Variants in AXIN1 observed in about 807,000 individuals in gnomAD.
AXIN1 encodes the protein axin 1, also known as axin-1.
AXIN1 carries 30 observed loss-of-function variants against 76.4 expected under a neutral mutation model. The ratio of observed to expected loss-of-function variants is 0.39; its 90% CI spans 0.29 to 0.53. The LOEUF is 0.53. Among genes scored for constraint, AXIN1 ranks in the 20% least tolerant of loss-of-function variants. The probability of loss-of-function intolerance (pLI) is 0.66; values close to 1 mark genes in which losing one functional copy is unlikely to be tolerated. For missense variants in AXIN1, 1,140 were observed against 1,198.8 expected (o/e 0.95, Z 0.72); for synonymous variants, 545 against 501.4 (o/e 1.09, Z -1.16).
chr16:334,854 G>A (rs925776200), intron 2 of AXIN1, among the ~76,000 whole-genome samples: 11 of 149,898 alleles, frequency 7.3e-5, no homozygotes, highest in Admixed American at 4.0e-4. Flanking sequence ...ACCATGACAC[G>A]CTAATTACAC....
intron 1 of AXIN1, among the ~76,000 whole-genome samples, chr16:350,163 T>C (rs1256447750): frequency 6.6e-6 from 1 of 152,212 alleles, no homozygotes; most frequent in African/African-American, 2.4e-5. Flanking sequence ...ATGTGTATTT[T>C]TGGCTGTCAA....
chr16:343,768 C>G (rs2053975594), intron 2 of AXIN1, among the ~76,000 whole-genome samples: 1 of 151,390 alleles, frequency 6.6e-6, no homozygotes, highest in African/African-American at 2.4e-5. Context: ...AATCCCAGCA[C>G]TTTGGGAGGC....
intron 2 of AXIN1, among the ~76,000 whole-genome samples, chr16:330,872 C>G (rs529982967): frequency 1.3e-5 from 2 of 152,340 alleles, no homozygotes; most frequent in South Asian, 4.1e-4. Flanking sequence ...TATGCTGCAA[C>G]AAACATTTGG....
intron 10 of AXIN1, chr16:288,456 G>C: frequency 1.4e-6 from 1 of 718,844 alleles, no homozygotes; most frequent in Non-Finnish European, 2.3e-6. Context: ...TGGGGGGTGA[G>C]TTCACTGCCT....
chr16:317,205 G>C (rs569410558), intron 2 of AXIN1, among the ~76,000 whole-genome samples: 1 of 152,210 alleles, frequency 6.6e-6, no homozygotes, highest in Non-Finnish European at 1.5e-5. Flanking sequence ...TTGGACTCTG[G>C]TGACATGGGA....
At chr16:329,312 C>CA (rs1191296817) in intron 2 of AXIN1, among the ~76,000 whole-genome samples, 2 of 142,954 alleles carry the variant, frequency 1.4e-5, no homozygotes, top group Non-Finnish European at 3.0e-5. Flanking sequence ...GAAAAACATA[C>CA]AGAGTGGGTA....
rs2054164114 is a variant in AXIN1, at chr16:352,360, C to T, written c.-82+9G>A. On this transcript the variant is annotated intron_variant, in intron 1 of 10. Transcript: ENST00000262320. ...GGCCTAGCCCGCCCCGGAGCCCGGCCCTACTCACCCGCGCGCGGTGGTGGC... is the reference window on the plus strand; with the variant it reads ...GGCCTAGCCCGCCCCGGAGCCCGGCTCTACTCACCCGCGCGCGGTGGTGGC... 1.0e-6 allele frequency: 1 copy of T among 980,492 alleles called. No individual in the cohort carries two copies. The highest frequency in any genetic ancestry group is 1.8e-5 in the African/African-American group (1 of 56,740). The allele number at this position is 980,492 out of a possible 1,614,324, so 60.7% of individuals were successfully genotyped here.
chr16:335,617 T>C (rs910183780), intron 2 of AXIN1, among the ~76,000 whole-genome samples: 4 of 150,946 alleles, frequency 2.6e-5, no homozygotes, highest in African/African-American at 9.8e-5. Flanking sequence ...CCCAGTACCA[T>C]GGCACCCAAT....
In AXIN1 at chr16:346,820, C is replaced by G. The variant is rs2141707426; in HGVS notation, c.206G>C (p.Gly69Ala). ...GGAGGCACTGCCCTCAGGCTCATAC[C>G]CCAGGTCCAGATCCGAGCGCCTCGG... ...ATPRRSDLDL[G>A]YEPEGSASPT... Residue 69 changes from glycine (G) to alanine (A), a missense_variant, in exon 2 of 11, where the codon GGG becomes GCG. Gly to Ala is a moderately conservative substitution (Grantham distance 60, BLOSUM62 0). Transcript: ENST00000262320. The G allele has an allele frequency of 1.2e-6, 2 of 1,613,452 alleles. No individual in the cohort carries two copies. The highest frequency in any genetic ancestry group is 1.7e-6 in the Non-Finnish European group (2 of 1,179,434).
intron 2 of AXIN1, among the ~76,000 whole-genome samples, chr16:333,200 C>T (rs1015465837): frequency 4.0e-5 from 6 of 151,862 alleles, no homozygotes; most frequent in Non-Finnish European, 7.4e-5. Flanking sequence ...GGTGTGGTGG[C>T]GCATGCCTGT....
chr16:298,979 G>A (rs760490598), intron 5 of AXIN1: 2 of 653,840 alleles, frequency 3.1e-6, no homozygotes, highest in Non-Finnish European at 3.8e-6. Context: ...ATGTTGGCCA[G>A]GCTGGTCTCG....
rs1430515731 is a variant in AXIN1, at chr16:346,371, T to G, written c.655A>C (p.Lys219Gln). 3.1e-6 allele frequency: 5 copies of G among 1,614,234 alleles called. No individual in the cohort carries two copies. The highest frequency in any genetic ancestry group is 4.2e-6 in the Non-Finnish European group (5 of 1,180,044). Residue 219 changes from lysine (K) to glutamine (Q), a missense_variant, in exon 2 of 11, where the codon AAA becomes CAA. By Grantham distance (53) the Lys-to-Gln change is moderately conservative. Transcript: ENST00000262320. ...EYTRTGSESP[K>Q]VCSDQSSGSG... The stretch of plus-strand genomic sequence containing the variant: ...CCAGAGCTCTGGTCACTACAGACTT[T>G]GGGGCTCTCCGAGCCTGTCCTCGTA...
chr16:328,493 C>T lies in AXIN1; in HGVS notation c.879-13810G>A, dbSNP rs1022801218. Among the ~76,000 whole-genome samples, 7 of 150,608 alleles carry T rather than the reference C, an allele frequency of 4.6e-5. No homozygotes were observed. In the South Asian group the frequency reaches 8.4e-4, roughly 18 times the overall value. On this transcript the variant is annotated intron_variant, in intron 2 of 10. Coordinates refer to ENST00000262320, the MANE Select transcript of AXIN1 (RefSeq NM_003502.4). ...GGCGGATCACCTGAGGTTGGGAGTT[C>T]GCAACCAGCCTGACCAACATGGAGA... is the stretch of plus-strand genomic sequence containing the variant.
chr16:332,352 C>T lies in AXIN1; in HGVS notation c.878+13796G>A, dbSNP rs371050723. On this transcript the variant is annotated intron_variant, in intron 2 of 10. Coordinates refer to ENST00000262320, the MANE Select transcript of AXIN1 (RefSeq NM_003502.4). Reference sequence around the variant, plus strand: ...CAGCACTTTGGGAGGCCAAGGCGGGCGGATCACGAGATCAGGAGATGGAGA... The same window carrying T: ...CAGCACTTTGGGAGGCCAAGGCGGGTGGATCACGAGATCAGGAGATGGAGA... Among the ~76,000 whole-genome samples, 145 of 151,986 alleles carry T rather than the reference C, an allele frequency of 9.5e-4. 1 individual carries two copies. The South Asian group carries it at 0.02, about 21-fold the overall frequency.
chr16:340,458 G>A (rs1305128495), intron 2 of AXIN1, among the ~76,000 whole-genome samples: 3 of 152,240 alleles, frequency 2.0e-5, no homozygotes, highest in African/African-American at 7.2e-5. Context: ...GACCTGGCAG[G>A]GGCATGCAAG....
At chr16:306,147 G>A (rs951322073) in intron 4 of AXIN1, among the ~76,000 whole-genome samples, 4 of 151,740 alleles carry the variant, frequency 2.6e-5, no homozygotes, top group Non-Finnish European at 5.9e-5. Flanking sequence ...ACATGCGCAG[G>A]CACACACACC....
At position 289,795 on chromosome 16, in the gene AXIN1, G is replaced by T. The variant is rs1380344260; in HGVS notation, c.2295-188C>A. The T allele has an allele frequency of 5.5e-6, 4 of 723,092 alleles. No homozygotes were observed. The East Asian group carries it at 1.1e-4, about 20-fold the overall frequency. The allele number at this position is 723,092 out of a possible 1,614,324, so 44.8% of individuals were successfully genotyped here. ...TCTGGGATCTAGTCCGCTAGCAGTG[G>T]AGTCGGCTCCGCTCACTGGGAGCAC... On this transcript the variant is annotated intron_variant, in intron 9 of 10. Transcript: ENST00000262320.
At chr16:336,666 A>G (rs2053809412) in intron 2 of AXIN1, among the ~76,000 whole-genome samples, 1 of 151,828 alleles carries the variant, frequency 6.6e-6, no homozygotes, top group South Asian at 2.1e-4. Context: ...AAAATACAAA[A>G]ATTAGCCAGG....
intron 1 of AXIN1, among the ~76,000 whole-genome samples, chr16:349,369 C>T (rs2054097984): frequency 6.6e-6 from 1 of 152,090 alleles, no homozygotes; most frequent in Non-Finnish European, 1.5e-5. Flanking sequence ...GGAGGGAGCA[C>T]CCTGGGCGTG....
Sources: gnomAD v4.1 joint callset for allele counts (sites outside exome capture counted in the v4.1 genomes callset) on GRCh38, gnomAD v4.1.1 for gene constraint, MANE v1.5 for transcripts, NCBI Gene and HGNC (gene_info 2026-07-23, HGNC 2026-07-21) for gene names.